EPB41L2: variants seen among roughly 807,000 people sequenced by gnomAD.
The protein encoded by EPB41L2 is erythrocyte membrane protein band 4.1 like 2, also known as band 4.1-like protein 2.
Under a neutral mutation model 113.0 loss-of-function variants are expected in EPB41L2, and 43 were observed. The ratio of observed to expected loss-of-function variants is 0.38; its 90% CI spans 0.30 to 0.49. EPB41L2 has a LOEUF of 0.49. EPB41L2 is among the 20% of genes least tolerant of loss of function. EPB41L2 has a pLI of 0.95. For synonymous variants in EPB41L2, 442 were observed against 436.7 expected (o/e 1.01, Z -0.15); for missense variants, 1,147 against 1,223.4 (o/e 0.94, Z 0.93).
At chr6:131,037,537 A>T (rs1349903852) in intron 1 of EPB41L2, among the ~76,000 whole-genome samples, 1 of 149,738 alleles carries the variant, frequency 6.7e-6, no homozygotes, top group Admixed American at 6.7e-5. Context: ...AATTATGGTA[A>T]TTTTTTTTTC....
chr6:130,865,665 A>G, intron 16 of EPB41L2, 31 bp from the exon 17 acceptor site: 2 of 1,598,074 alleles, frequency 1.3e-6, no homozygotes, highest in Non-Finnish European at 1.7e-6. Flanking sequence ...AATACAAAGT[A>G]ATGCTTAACT....
chr6:131,058,492 A>G (rs1798027082), intron 1 of EPB41L2, among the ~76,000 whole-genome samples: 1 of 152,214 alleles, frequency 6.6e-6, no homozygotes, highest in Non-Finnish European at 1.5e-5. Flanking sequence ...CCGACATGAT[A>G]TTTCTACATG....
At chr6:131,042,225 T>A (rs971718542) in intron 1 of EPB41L2, among the ~76,000 whole-genome samples, 1 of 152,222 alleles carries the variant, frequency 6.6e-6, no homozygotes, top group Non-Finnish European at 1.5e-5. Flanking sequence ...AATCCCAGCA[T>A]CTTCACCTCA....
chr6:131,021,904 C>G (rs575241855), intron 1 of EPB41L2, among the ~76,000 whole-genome samples: 23 of 152,214 alleles, frequency 1.5e-4, no homozygotes, highest in Admixed American at 4.6e-4. Context: ...CTTTTTGGTA[C>G]CAGGGACTGG....
chr6:130,915,719 G>A (rs113583318), intron 4 of EPB41L2, among the ~76,000 whole-genome samples: 3,591 of 152,242 alleles, frequency 0.024, 134 homozygotes, highest in African/African-American at 0.082. Context: ...GGTGGGAGAT[G>A]AGTGAATCAT....
At chr6:131,044,609 T>A (rs1230572656) in intron 1 of EPB41L2, among the ~76,000 whole-genome samples, 1 of 152,000 alleles carries the variant, frequency 6.6e-6, no homozygotes, top group African/African-American at 2.4e-5. Context: ...CAAAGCTCCA[T>A]CTCCCACCCA....
At position 130,876,666 on chromosome 6, in the gene EPB41L2, G is replaced by A. The variant is rs751252888; in HGVS notation, c.2043+1438C>T. ...GCAAGAGTAGATCCAAGGGTGCAAG[G>A]TGAACACCTTGTCCGTCTCCTGAGC... is the stretch of plus-strand genomic sequence containing the variant. On this transcript the variant is annotated intron_variant, in intron 14 of 19. Coordinates refer to ENST00000337057, the MANE Select transcript of EPB41L2 (RefSeq NM_001431.4). 170 of 1,300,760 alleles carry A rather than the reference G, an allele frequency of 1.3e-4. 1 individual carries two copies. In the Middle Eastern group the frequency reaches 4.2e-3, roughly 33 times the overall value. 80.6% of individuals were successfully genotyped at this position (1,300,760 alleles called of 1,614,324 possible). A position where few individuals can be genotyped will look rare whatever the true frequency, so the allele number is the denominator to read the frequency against.
Position 131,047,075 on chromosome 6 carries a change from T to C in EPB41L2, c.-15+16080A>G, listed in dbSNP as rs114603046. On this transcript the variant is annotated intron_variant, in intron 1 of 19. Transcript: ENST00000337057. Reference sequence around the variant, plus strand: ...ATTGGCTGAGTGACCCTGAGCAAGTTACTTCAAACTGCAGTGCCTCAGTTT... The same window carrying C: ...ATTGGCTGAGTGACCCTGAGCAAGTCACTTCAAACTGCAGTGCCTCAGTTT... Among the ~76,000 whole-genome samples, 154 of 152,278 alleles carry C rather than the reference T, an allele frequency of 1.0e-3. 1 individual carries two copies. The highest frequency in any genetic ancestry group is 3.6e-3 in the African/African-American group (151 of 41,558).
At chr6:130,949,539 T>C (rs907391492) in intron 3 of EPB41L2, among the ~76,000 whole-genome samples, 3 of 150,422 alleles carry the variant, frequency 2.0e-5, no homozygotes, top group African/African-American at 7.4e-5. Context: ...CACTCCAGTC[T>C]GGGCAACAGA....
chr6:130,918,515 C>T (rs952242089), intron 4 of EPB41L2, among the ~76,000 whole-genome samples: 1 of 152,194 alleles, frequency 6.6e-6, no homozygotes, highest in Admixed American at 6.5e-5. Flanking sequence ...CCTGATTCCA[C>T]GTATTTTTAA....
At chr6:131,050,836 T>TGTC (rs1796369369) in intron 1 of EPB41L2, among the ~76,000 whole-genome samples, 1 of 152,190 alleles carries the variant, frequency 6.6e-6, no homozygotes, top group African/African-American at 2.4e-5. Flanking sequence ...TTAAATGATC[T>TGTC]GTCCGCCTTG....
At chr6:130,944,158 T>TACACACACACACAC (rs1392716079) in intron 3 of EPB41L2, among the ~76,000 whole-genome samples, 1 of 146,390 alleles carries the variant, frequency 6.8e-6, no homozygotes, top group Non-Finnish European at 1.5e-5. Flanking sequence ...TATATATACG[T>TACACACACACACAC]ACATACACAC....
At chr6:130,998,588 T>C (rs1783670525) in intron 1 of EPB41L2, among the ~76,000 whole-genome samples, 2 of 152,174 alleles carry the variant, frequency 1.3e-5, no homozygotes, top group African/African-American at 4.8e-5. Flanking sequence ...TCACTTTATC[T>C]GAGGTGTATG....
intron 1 of EPB41L2, among the ~76,000 whole-genome samples, chr6:130,981,759 G>T (rs1779423344): frequency 6.6e-6 from 1 of 151,990 alleles, no homozygotes; most frequent in Non-Finnish European, 1.5e-5. Flanking sequence ...GATCCAAATT[G>T]TAGCTTTATT....
chr6:130,924,591 A>G (rs893495759), intron 4 of EPB41L2, among the ~76,000 whole-genome samples: 5 of 152,058 alleles, frequency 3.3e-5, no homozygotes, highest in Admixed American at 3.3e-4. Flanking sequence ...CATGTTGGCC[A>G]GGCTGATCTC....
At chr6:130,867,633 G>A in intron 15 of EPB41L2, 52 bp from the exon 16 acceptor site, 1 of 1,597,786 alleles carries the variant, frequency 6.3e-7, no homozygotes, top group East Asian at 2.2e-5. Flanking sequence ...TAAAGTAAAA[G>A]TGTTTAATGG....
intron 1 of EPB41L2, among the ~76,000 whole-genome samples, chr6:130,981,808 A>C (rs1446833541): frequency 4.6e-5 from 7 of 152,212 alleles, no homozygotes; most frequent in South Asian, 2.1e-4. Flanking sequence ...AATTTGTAAA[A>C]TAAAAATATA....
intron 13 of EPB41L2, among the ~76,000 whole-genome samples, chr6:130,879,124 C>T: frequency 6.6e-6 from 1 of 152,136 alleles, no homozygotes. Flanking sequence ...TTTCAAAAAT[C>T]ATAGGGCCAC....
chr6:130,892,050 A>G (rs954330241), intron 10 of EPB41L2, among the ~76,000 whole-genome samples: 2 of 152,204 alleles, frequency 1.3e-5, no homozygotes, highest in African/African-American at 4.8e-5. Context: ...CATTATATCA[A>G]AAGTTTGCAG....
Sources: allele counts gnomAD v4.1 joint callset (sites outside exome capture counted in the v4.1 genomes callset), GRCh38; gene constraint gnomAD v4.1.1; transcripts MANE v1.5; gene names NCBI Gene and HGNC (gene_info 2026-07-23, HGNC 2026-07-21).